Variants in EIF5AL1 observed in about 807,000 individuals in gnomAD.
EIF5AL1 encodes the protein eukaryotic translation initiation factor 5A-1-like.
A neutral mutation model predicts 9.0 loss-of-function variants in EIF5AL1; 4 were observed. That is an observed-to-expected ratio of 0.45 (90% CI 0.22 to 1.02). EIF5AL1 has a LOEUF of 1.02. Among genes scored for constraint, EIF5AL1 ranks in the 50% least tolerant of loss-of-function variants. The pLI is 0.24. For missense variants in EIF5AL1, 58 were observed against 194.1 expected (o/e 0.30, Z 4.17); for synonymous variants, 40 against 75.7 (o/e 0.53, Z 2.45).
At position 79,515,290 on chromosome 10, in the gene EIF5AL1, C is replaced by T. The variant is rs77779791; in HGVS notation, c.*2176C>T. 10,822 of 279,994 alleles carry T rather than the reference C, an allele frequency of 0.039. 234 individuals are homozygous for T. Among genetic ancestry groups the T allele is most frequent in the Non-Finnish European group, 0.047 (6,380 of 135,566 alleles). 17.3% of individuals were successfully genotyped at this position (279,994 alleles called of 1,614,324 possible). On this transcript the variant is annotated 3_prime_UTR_variant, in exon 1 of 1. Coordinates refer to ENST00000520547, the MANE Select transcript of EIF5AL1 (RefSeq NM_001099692.2). ...AGATAGCATACCTTCCTGTCTATGGCTATTGGACCTGCAGGCTTTCCCCTG... is the reference window on the plus strand; with the variant it reads ...AGATAGCATACCTTCCTGTCTATGGTTATTGGACCTGCAGGCTTTCCCCTG...
Position 79,515,168 on chromosome 10 carries a change from T to G in EIF5AL1, c.*2054T>G, listed in dbSNP as rs892540264. ...CATATAAGTGGACCTGAGCCCTTGGTTAGGGTGTAGAGAGGAGAAGGGGAG... is the reference window on the plus strand; with the variant it reads ...CATATAAGTGGACCTGAGCCCTTGGGTAGGGTGTAGAGAGGAGAAGGGGAG... On this transcript the variant is annotated 3_prime_UTR_variant, in exon 1 of 1. Coordinates refer to ENST00000520547, the MANE Select transcript of EIF5AL1 (RefSeq NM_001099692.2). The G allele has an allele frequency of 2.4e-5, 8 of 339,250 alleles. No homozygotes were observed. The highest frequency in any genetic ancestry group is 1.6e-4 in the African/African-American group (7 of 43,800). The allele number at this position is 339,250 out of a possible 1,614,324, so 21.0% of individuals were successfully genotyped here.
rs1262887394 is a variant in EIF5AL1, at chr10:79,513,589, A to T, written c.*475A>T. ...CTCGCCTGCCTGTGTCTCTCCCCAA[A>T]CCCCTTTAGATGGGGAGGGAAGAAG... On this transcript the variant is annotated 3_prime_UTR_variant, in exon 1 of 1. Coordinates refer to ENST00000520547, the MANE Select transcript of EIF5AL1 (RefSeq NM_001099692.2). 5.5e-6 allele frequency: 1 copy of T among 181,860 alleles called. No individual in the cohort carries two copies. The highest frequency in any genetic ancestry group is 1.3e-5 in the Non-Finnish European group (1 of 77,562). The allele number at this position is 181,860 out of a possible 1,614,324, so 11.3% of individuals were successfully genotyped here. A position where few individuals can be genotyped will look rare whatever the true frequency, so the allele number is the denominator to read the frequency against.
Position 79,515,983 on chromosome 10 carries a change from G to T in EIF5AL1, c.*2869G>T, listed in dbSNP as rs1488777970. The T allele has an allele frequency of 6.0e-6, 1 of 167,042 alleles. No individual in the cohort carries two copies. Among genetic ancestry groups the T allele is most frequent in the African/African-American group, 2.4e-5 (1 of 41,432 alleles). 10.3% of individuals were successfully genotyped at this position (167,042 alleles called of 1,614,324 possible). On this transcript the variant is annotated 3_prime_UTR_variant, in exon 1 of 1. Coordinates refer to ENST00000520547, the MANE Select transcript of EIF5AL1 (RefSeq NM_001099692.2). ...AAAAGATGAAAGAGCAACCGCATGC[G>T]CCCTACAGCTACCGCTAGATTTTAT... is the stretch of plus-strand genomic sequence containing the variant.
rs1858223185 is a variant in EIF5AL1, at chr10:79,515,808, A to G, written c.*2694A>G. On this transcript the variant is annotated 3_prime_UTR_variant, in exon 1 of 1. Coordinates refer to ENST00000520547, the MANE Select transcript of EIF5AL1 (RefSeq NM_001099692.2). Reference sequence around the variant, plus strand: ...GCAAATCCTGTTGCAGATGTACGTCATATACCTCTGAAATTCCTGATGTAT... The same window carrying G: ...GCAAATCCTGTTGCAGATGTACGTCGTATACCTCTGAAATTCCTGATGTAT... The G allele has an allele frequency of 6.0e-6, 1 of 167,116 alleles. No individual in the cohort carries two copies. The highest frequency in any genetic ancestry group is 1.5e-5 in the Non-Finnish European group (1 of 68,136). The allele number at this position is 167,116 out of a possible 1,614,324, so 10.4% of individuals were successfully genotyped here. A position where few individuals can be genotyped will look rare whatever the true frequency, so the allele number is the denominator to read the frequency against.
chr10:79,512,568 CG>C lies in EIF5AL1; in HGVS notation c.-80del. ...GCGGCGGCGGCGGCGGCGGCGGGCT[CG>C]GAGGCAGCGGTTGGGCTCGCGGCGA... On this transcript the variant is annotated 5_prime_UTR_variant, in exon 1 of 1. Coordinates refer to ENST00000520547, the MANE Select transcript of EIF5AL1 (RefSeq NM_001099692.2). 8.9e-7 allele frequency: 1 copy of C among 1,122,420 alleles called. No homozygotes were observed. Among genetic ancestry groups the C allele is most frequent in the East Asian group, 2.6e-5 (1 of 37,810 alleles). The allele number at this position is 1,122,420 out of a possible 1,614,324, so 69.5% of individuals were successfully genotyped here.
In EIF5AL1 at chr10:79,514,533, C is replaced by T. The variant is rs548908018; in HGVS notation, c.*1419C>T. On this transcript the variant is annotated 3_prime_UTR_variant, in exon 1 of 1. Coordinates refer to ENST00000520547, the MANE Select transcript of EIF5AL1 (RefSeq NM_001099692.2). ...ATGGTATGGAGGGTGTCTAGGTGTG[C>T]TAGGACCCCTGCCCATTCCCCAGAA... is the stretch of plus-strand genomic sequence containing the variant. The T allele has an allele frequency of 1.6e-4, 27 of 167,122 alleles. 1 individual carries two copies. In the East Asian group the frequency reaches 4.4e-3, roughly 28 times the overall value. The allele number at this position is 167,122 out of a possible 1,614,324, so 10.4% of individuals were successfully genotyped here.
At position 79,513,219 on chromosome 10, in the gene EIF5AL1, C is replaced by G; in HGVS notation, c.*105C>G. On this transcript the variant is annotated 3_prime_UTR_variant, in exon 1 of 1. Coordinates refer to ENST00000520547, the MANE Select transcript of EIF5AL1 (RefSeq NM_001099692.2). The stretch of plus-strand genomic sequence containing the variant: ...TGGCCTGGTCCTAGGTTGGACTCCT[C>G]CTACACAATTTATTTGACGTTTTAT... 1 of 1,441,476 alleles carries G rather than the reference C, an allele frequency of 6.9e-7. No homozygotes were observed. The highest frequency in any genetic ancestry group is 9.7e-7 in the Non-Finnish European group (1 of 1,031,738). The allele number at this position is 1,441,476 out of a possible 1,614,324, so 89.3% of individuals were successfully genotyped here.
Position 79,516,007 on chromosome 10 carries a change from A to G in EIF5AL1, c.*2893A>G, listed in dbSNP as rs1166202280. 6.0e-6 allele frequency: 1 copy of G among 167,114 alleles called. No individual in the cohort carries two copies. Among genetic ancestry groups the G allele is most frequent in the African/African-American group, 2.4e-5 (1 of 41,462 alleles). The allele number at this position is 167,114 out of a possible 1,614,324, so 10.4% of individuals were successfully genotyped here. A position where few individuals can be genotyped will look rare whatever the true frequency, so the allele number is the denominator to read the frequency against. ...CGCCCTACAGCTACCGCTAGATTTT[A>G]TGGGGAAAGCAGCTGGCCCAGTTTG... is the stretch of plus-strand genomic sequence containing the variant. On this transcript the variant is annotated 3_prime_UTR_variant, in exon 1 of 1. Transcript: ENST00000520547.
Position 79,516,325 on chromosome 10 carries a change from T to C in EIF5AL1, c.*3211T>C, listed in dbSNP as rs990982037. On this transcript the variant is annotated 3_prime_UTR_variant, in exon 1 of 1. Coordinates refer to ENST00000520547, the MANE Select transcript of EIF5AL1 (RefSeq NM_001099692.2). ...AGACTGTTCAATGTGCCTAGATATCTTCAGAACTTATATATTTTCTGTTTT... is the reference window on the plus strand; with the variant it reads ...AGACTGTTCAATGTGCCTAGATATCCTCAGAACTTATATATTTTCTGTTTT... 6.6e-5 allele frequency: 11 copies of C among 167,128 alleles called. No individual in the cohort carries two copies. Among genetic ancestry groups the C allele is most frequent in the African/African-American group, 2.4e-4 (10 of 41,472 alleles). 10.4% of individuals were successfully genotyped at this position (167,128 alleles called of 1,614,324 possible).
chr10:79,513,249 G>T lies in EIF5AL1; in HGVS notation c.*135G>T. 1 of 1,119,200 alleles carries T rather than the reference G, an allele frequency of 8.9e-7. No homozygotes were observed. The highest frequency in any genetic ancestry group is 2.1e-5 in the Admixed American group (1 of 47,850). The allele number at this position is 1,119,200 out of a possible 1,614,324, so 69.3% of individuals were successfully genotyped here. ...ACAATTTATTTGACGTTTTATTTTG[G>T]TTTTCCCCACCCCCTCAATCTGTCA... On this transcript the variant is annotated 3_prime_UTR_variant, in exon 1 of 1. Coordinates refer to ENST00000520547, the MANE Select transcript of EIF5AL1 (RefSeq NM_001099692.2).
chr10:79,515,334 T>C lies in EIF5AL1; in HGVS notation c.*2220T>C. 4.8e-6 allele frequency: 1 copy of C among 209,264 alleles called. No individual in the cohort carries two copies. The highest frequency in any genetic ancestry group is 1.1e-5 in the Non-Finnish European group (1 of 93,558). 13.0% of individuals were successfully genotyped at this position (209,264 alleles called of 1,614,324 possible). A position where few individuals can be genotyped will look rare whatever the true frequency, so the allele number is the denominator to read the frequency against. ...TCCCCTGTAAATCCGTGTTCTGTCA[T>C]TGACATTTTGTGACTGTAAGACAGA... On this transcript the variant is annotated 3_prime_UTR_variant, in exon 1 of 1. Coordinates refer to ENST00000520547, the MANE Select transcript of EIF5AL1 (RefSeq NM_001099692.2).
rs574588416 is a variant in EIF5AL1 at position 79,512,577 on chromosome 10, C to T, written c.-73C>T. The T allele has an allele frequency of 1.8e-3, 1,977 of 1,094,494 alleles. 38 individuals are homozygous for T. In the African/African-American group the frequency reaches 0.027, roughly 15 times the overall value. 67.8% of individuals were successfully genotyped at this position (1,094,494 alleles called of 1,614,324 possible). ...GCGGCGGCGGCGGGCTCGGAGGCAG[C>T]GGTTGGGCTCGCGGCGAGCGGACGG... On this transcript the variant is annotated 5_prime_UTR_variant, in exon 1 of 1. Transcript: ENST00000520547.
In EIF5AL1 at chr10:79,515,925, A is replaced by G. The variant is rs2132260783; in HGVS notation, c.*2811A>G. 1 of 167,174 alleles carries G rather than the reference A, an allele frequency of 6.0e-6. No homozygotes were observed. Among genetic ancestry groups the G allele is most frequent in the South Asian group, 2.1e-4 (1 of 4,820 alleles). 10.4% of individuals were successfully genotyped at this position (167,174 alleles called of 1,614,324 possible). A position where few individuals can be genotyped will look rare whatever the true frequency, so the allele number is the denominator to read the frequency against. On this transcript the variant is annotated 3_prime_UTR_variant, in exon 1 of 1. Transcript: ENST00000520547. ...GAAAAAAAAACCCAAAAAAACATGT[A>G]CTAGGATTTCAATAGAAGCAATGGG...
In EIF5AL1 at chr10:79,513,447, A is replaced by G. The variant is rs1858182485; in HGVS notation, c.*333A>G. The stretch of plus-strand genomic sequence containing the variant: ...TTTTTTAAATTCAATCTGGAATCAG[A>G]AAGCGGTGGATTCTGGCAAATGGTC... On this transcript the variant is annotated 3_prime_UTR_variant, in exon 1 of 1. Transcript: ENST00000520547. The G allele has an allele frequency of 2.5e-6, 1 of 397,616 alleles. No homozygotes were observed. The highest frequency in any genetic ancestry group is 2.1e-5 in the African/African-American group (1 of 48,612). The allele number at this position is 397,616 out of a possible 1,614,324, so 24.6% of individuals were successfully genotyped here.
At position 79,512,679 on chromosome 10, in the gene EIF5AL1, A is replaced by T. The variant is rs1456700722; in HGVS notation, c.30A>T (p.Gly10=). The T allele has an allele frequency of 8.8e-6, 12 of 1,360,822 alleles. No individual in the cohort carries two copies. Among genetic ancestry groups the T allele is most frequent in the South Asian group, 7.3e-5 (6 of 82,238 alleles). The allele number at this position is 1,360,822 out of a possible 1,614,324, so 84.3% of individuals were successfully genotyped here. A position where few individuals can be genotyped will look rare whatever the true frequency, so the allele number is the denominator to read the frequency against. Residue 10 remains glycine, a synonymous_variant, in exon 1 of 1, where the codon GGA becomes GGT. Transcript: ENST00000520547. The stretch of plus-strand genomic sequence containing the variant: ...CAGATGATTTGGACTTCGAGACAGG[A>T]GATGCAGGGGCCTCAGCCACCTTCC... MADDLDFET[G]DAGASATFPM...
At position 79,516,104 on chromosome 10, in the gene EIF5AL1, G is replaced by A. The variant is rs1443256986; in HGVS notation, c.*2990G>A. ...AAACCATGAGGCATGAACATTTCAT[G>A]GCAATCACGATGTCCTGGTTTGTGA... On this transcript the variant is annotated 3_prime_UTR_variant, in exon 1 of 1. Transcript: ENST00000520547. 3 of 167,088 alleles carry A rather than the reference G, an allele frequency of 1.8e-5. No homozygotes were observed. Among genetic ancestry groups the A allele is most frequent in the African/African-American group, 7.2e-5 (3 of 41,450 alleles). The allele number at this position is 167,088 out of a possible 1,614,324, so 10.4% of individuals were successfully genotyped here.
Position 79,512,606 on chromosome 10 carries a change from C to T in EIF5AL1, c.-44C>T. ...TGGGCTCGCGGCGAGCGGACGGGGT[C>T]GAGTCAGTGCCGTTTGCGCCAGTTG... On this transcript the variant is annotated 5_prime_UTR_variant, in exon 1 of 1. Coordinates refer to ENST00000520547, the MANE Select transcript of EIF5AL1 (RefSeq NM_001099692.2). 3 of 844,070 alleles carry T rather than the reference C, an allele frequency of 3.6e-6. No individual in the cohort carries two copies. The highest frequency in any genetic ancestry group is 5.5e-6 in the Non-Finnish European group (3 of 545,010). 52.3% of individuals were successfully genotyped at this position (844,070 alleles called of 1,614,324 possible).
rs1172626079 is a variant in EIF5AL1, at chr10:79,514,068, G to C, written c.*954G>C. On this transcript the variant is annotated 3_prime_UTR_variant, in exon 1 of 1. Transcript: ENST00000520547. ...CTGAGTCTGGAGGGAAGCTAAGGAA[G>C]CATTCTGCTCTGGAGTAGACATGAG... The C allele has an allele frequency of 6.0e-6, 1 of 167,088 alleles. No individual in the cohort carries two copies. The highest frequency in any genetic ancestry group is 2.4e-5 in the African/African-American group (1 of 41,462). The allele number at this position is 167,088 out of a possible 1,614,324, so 10.4% of individuals were successfully genotyped here. A position where few individuals can be genotyped will look rare whatever the true frequency, so the allele number is the denominator to read the frequency against.
rs1283699541 is a variant in EIF5AL1, at chr10:79,513,374, G to T, written c.*260G>T. Reference sequence around the variant, plus strand: ...TCTTCTCCCCTCACACTACAGCCCTGGTGGGGGAGAAGGGGGTGGGTGCTG... The same window carrying T: ...TCTTCTCCCCTCACACTACAGCCCTTGTGGGGGAGAAGGGGGTGGGTGCTG... On this transcript the variant is annotated 3_prime_UTR_variant, in exon 1 of 1. Transcript: ENST00000520547. The T allele has an allele frequency of 4.4e-5, 25 of 572,626 alleles. No individual in the cohort carries two copies. The African/African-American group carries it at 4.5e-4, about 10-fold the overall frequency. 35.5% of individuals were successfully genotyped at this position (572,626 alleles called of 1,614,324 possible).
Sources: gnomAD v4.1 joint callset for allele counts on GRCh38, gnomAD v4.1.1 for gene constraint, MANE v1.5 for transcripts, NCBI Gene and HGNC (gene_info 2026-07-23, HGNC 2026-07-21) for gene names.